TSNARE1: variants seen among roughly 807,000 people sequenced by gnomAD.
TSNARE1 encodes the protein t-SNARE domain containing 1.
Under a neutral mutation model 62.0 loss-of-function variants are expected in TSNARE1, and 49 were observed. The ratio of observed to expected loss-of-function variants is 0.79; its 90% CI spans 0.63 to 1.00. The LOEUF is 1.00. Among genes scored for constraint, TSNARE1 ranks in the 50% least tolerant of loss-of-function variants. The pLI, the probability that TSNARE1 is intolerant of heterozygous loss-of-function variation, is 0.00. For missense variants in TSNARE1, 755 were observed against 700.1 expected, an observed-to-expected ratio of 1.08 and a Z score of -0.88; for synonymous variants, 328 against 294.4, an observed-to-expected ratio of 1.11 and a Z score of -1.17.
At chr8:142,377,019 C>G (rs1002127360) in intron 1 of TSNARE1, among the ~76,000 whole-genome samples, 2 of 152,352 alleles carry the variant, frequency 1.3e-5, no homozygotes, top group East Asian at 3.9e-4. Flanking sequence ...GCCTGCCCTC[C>G]TGTCCCATCT....
chr8:142,252,001 C>CCCAT, intron 12 of TSNARE1, among the ~76,000 whole-genome samples: 1 of 133,686 alleles, frequency 7.5e-6, no homozygotes, highest in Non-Finnish European at 1.6e-5. Flanking sequence ...CCGCCACTCG[C>CCCAT]GTTCTCTATC....
At chr8:142,335,051 T>C (rs13265349) in intron 4 of TSNARE1, among the ~76,000 whole-genome samples, 24,220 of 152,196 alleles carry the variant, frequency 0.16, 2,069 homozygotes, top group East Asian at 0.29. Flanking sequence ...ACACTATCGA[T>C]TGTAAAAGCA....
chr8:142,361,804 G>A (rs548998942), intron 1 of TSNARE1, among the ~76,000 whole-genome samples: 1 of 152,268 alleles, frequency 6.6e-6, no homozygotes, highest in South Asian at 2.1e-4. Context: ...AGGGACGGGT[G>A]CACACACACA....
At chr8:142,302,361 C>CAT (rs568940056) in intron 9 of TSNARE1, among the ~76,000 whole-genome samples, 247 of 152,292 alleles carry the variant, frequency 1.6e-3, no homozygotes, top group African/African-American at 5.8e-3. Context: ...GGTGTCACCA[C>CAT]GTCTGGACAG....
chr8:142,270,230 C>A (rs999665426), intron 12 of TSNARE1: 1 of 985,184 alleles, frequency 1.0e-6, no homozygotes, highest in Non-Finnish European at 1.2e-6. Context: ...AGGGATCTCC[C>A]AAGAGTCAAA....
chr8:142,375,444 G>A (rs1587069294), intron 1 of TSNARE1, among the ~76,000 whole-genome samples: 1 of 152,234 alleles, frequency 6.6e-6, no homozygotes, highest in East Asian at 1.9e-4. Context: ...GCTGGCAGAG[G>A]ATGGCGCAGG....
In TSNARE1 at chr8:142,354,833, A is replaced by C. The variant is rs185491711; in HGVS notation, c.-39-70T>G. 5 of 894,256 alleles carry C rather than the reference A, an allele frequency of 5.6e-6. No homozygotes were observed. The East Asian group carries it at 1.3e-4, about 23-fold the overall frequency. The allele number at this position is 894,256 out of a possible 1,614,324, so 55.4% of individuals were successfully genotyped here. A position where few individuals can be genotyped will look rare whatever the true frequency, so the allele number is the denominator to read the frequency against. On this transcript the variant is annotated intron_variant, in intron 1 of 13. Coordinates refer to ENST00000524325, the MANE Select transcript of TSNARE1 (RefSeq NM_145003.5). ...GGATTAAAGCTCCAATTCAGGGTGC[A>C]CAGGGGCCGCCGGCCCCTCCCCAGC... is the stretch of plus-strand genomic sequence containing the variant.
At chr8:142,275,894 A>G in intron 11 of TSNARE1, 2 of 985,342 alleles carry the variant, frequency 2.0e-6, no homozygotes, top group South Asian at 4.7e-5. Context: ...CAGAAAGACA[A>G]GGCCACTCCC....
At chr8:142,377,222 C>T in intron 1 of TSNARE1, among the ~76,000 whole-genome samples, 1 of 152,168 alleles carries the variant, frequency 6.6e-6, no homozygotes, top group East Asian at 1.9e-4. Context: ...CAAGATCTAT[C>T]CCAGATAGAC....
intron 9 of TSNARE1, among the ~76,000 whole-genome samples, chr8:142,301,236 C>G (rs1370475759): frequency 7.6e-6 from 1 of 132,026 alleles, no homozygotes; most frequent in Non-Finnish European, 1.6e-5. Flanking sequence ...CCCACCTGCC[C>G]TGCCCATGCC....
chr8:142,314,654 C>T (rs1035404881), intron 8 of TSNARE1, among the ~76,000 whole-genome samples: 10 of 152,308 alleles, frequency 6.6e-5, no homozygotes, highest in Admixed American at 6.5e-4. Flanking sequence ...CTGCCAGGGC[C>T]GGGGCTGAGC....
chr8:142,357,704 G>A (rs35354453), intron 1 of TSNARE1, among the ~76,000 whole-genome samples: 1 of 152,204 alleles, frequency 6.6e-6, no homozygotes, highest in Non-Finnish European at 1.5e-5. Flanking sequence ...CAGAGGGGCT[G>A]GCACAGGCAG....
chr8:142,364,852 A>AAAAC (rs1835418961), intron 1 of TSNARE1, among the ~76,000 whole-genome samples: 1 of 152,224 alleles, frequency 6.6e-6, no homozygotes, highest in African/African-American at 2.4e-5. Context: ...TAAGTAGAAA[A>AAAAC]AAACAAGAAG....
chr8:142,360,689 G>A (rs1236444079), intron 1 of TSNARE1, among the ~76,000 whole-genome samples: 5 of 152,238 alleles, frequency 3.3e-5, no homozygotes, highest in Middle Eastern at 6.8e-3. Context: ...TTTGCAGGGC[G>A]CCGGGGGAAG....
intron 13 of TSNARE1, among the ~76,000 whole-genome samples, chr8:142,226,653 G>A (rs1474777200): frequency 3.3e-5 from 5 of 152,112 alleles, no homozygotes; most frequent in African/African-American, 4.8e-5. Flanking sequence ...CTGGGGGGCT[G>A]GAGGAATGGG....
intron 12 of TSNARE1, among the ~76,000 whole-genome samples, chr8:142,240,037 G>T (rs999535903): frequency 5.3e-5 from 8 of 152,086 alleles, no homozygotes; most frequent in African/African-American, 1.7e-4. Flanking sequence ...GATTAAACTC[G>T]CCAATGAAAA....
chr8:142,359,149 A>T (rs1834969223), intron 1 of TSNARE1, among the ~76,000 whole-genome samples: 1 of 151,580 alleles, frequency 6.6e-6, no homozygotes, highest in South Asian at 2.1e-4. Context: ...CAACCAGCTC[A>T]TGCCCCCACT....
intron 1 of TSNARE1, among the ~76,000 whole-genome samples, chr8:142,381,952 C>A (rs1225481105): frequency 6.6e-6 from 1 of 152,168 alleles, no homozygotes. Flanking sequence ...GCTGCCCAGT[C>A]CTCCCCTCGG....
In TSNARE1 at chr8:142,344,440, G is replaced by C. The variant is rs868676959; in HGVS notation, c.271C>G (p.Pro91Ala). The C allele has an allele frequency of 6.3e-7, 1 of 1,578,192 alleles. No homozygotes were observed. The highest frequency in any genetic ancestry group is 8.6e-7 in the Non-Finnish European group (1 of 1,163,724). ...PGVAPEGSRM[P>A]EPTSSPTIGP... ...ATGGTGGGTGATGAGGTGGGCTCCG[G>C]CATCCGGCTGCCTTCAGGGGCAACC... Residue 91 changes from proline to alanine, a missense_variant, in exon 4 of 14, where the codon CCG becomes GCG. Transcript: ENST00000524325.
Sources: gnomAD v4.1 joint callset for allele counts (sites outside exome capture counted in the v4.1 genomes callset) on GRCh38, gnomAD v4.1.1 for gene constraint, MANE v1.5 for transcripts, NCBI Gene and HGNC (gene_info 2026-07-23, HGNC 2026-07-21) for gene names.